PCBP2: variants seen among roughly 807,000 people sequenced by gnomAD.
The protein encoded by PCBP2 is poly(rC)-binding protein 2.
PCBP2 carries 4 observed loss-of-function variants against 50.1 expected under a neutral mutation model. That is an observed-to-expected ratio of 0.08 (90% CI 0.04 to 0.18). The LOEUF is 0.18. Among genes scored for constraint, PCBP2 ranks in the 10% least tolerant of loss-of-function variants. The pLI, the probability that PCBP2 is intolerant of heterozygous loss-of-function variation, is 1.00. For missense variants in PCBP2, 161 were observed against 474.3 expected (o/e 0.34, Z 6.14); for synonymous variants, 179 against 168.0 (o/e 1.07, Z -0.51).
At chr12:53,459,465 A>G (rs534971473) in intron 6 of PCBP2, 62 bp downstream of exon 6, 6 of 1,500,258 alleles carry the variant, frequency 4.0e-6, no homozygotes, top group African/African-American at 2.8e-5. Context: ...GGCTCTTTGT[A>G]TGGCTAGGAA....
chr12:53,460,018 C>T (rs1391120848), intron 6 of PCBP2: 1 of 313,280 alleles, frequency 3.2e-6, no homozygotes, highest in Non-Finnish European at 6.8e-6. Context: ...CTCAGGCTCC[C>T]AGTGTTATTA....
intron 2 of PCBP2, 23 bp from the exon 3 acceptor site, chr12:53,455,320 TACTG>T (rs773776788): frequency 1.2e-6 from 2 of 1,607,424 alleles, no homozygotes; most frequent in South Asian, 2.2e-5. Flanking sequence ...AGTTTCCTCT[TACTG>T]ACGTTAGTTT....
At chr12:53,456,042 C>A in intron 5 of PCBP2, 41 bp downstream of exon 5, 2 of 1,189,790 alleles carry the variant, frequency 1.7e-6, no homozygotes, top group Non-Finnish European at 2.5e-6. Flanking sequence ...TTTTTAAGTG[C>A]TTCCAGAGAG....
At chr12:53,473,866 CTT>C (rs1189870154) in intron 14 of PCBP2, among the ~76,000 whole-genome samples, 1 of 151,550 alleles carries the variant, frequency 6.6e-6, no homozygotes, top group Non-Finnish European at 1.5e-5. Context: ...GCAGTCTGTC[CTT>C]TTATATAGTT....
chr12:53,475,175 T>TAACAAACTG, intron 14 of PCBP2: 1 of 456,584 alleles, frequency 2.2e-6, no homozygotes, highest in Non-Finnish European at 4.4e-6. Context: ...CATGTGTAAC[T>TAACAAACTG]AACAAACTGA....
In PCBP2 at chr12:53,479,448, T is replaced by C. The variant is rs749359484; in HGVS notation, c.*6T>C. On this transcript the variant is annotated 3_prime_UTR_variant, in exon 15 of 15. Coordinates refer to ENST00000546463, the MANE Select transcript of PCBP2 (RefSeq NM_031989.5). Reference sequence around the variant, plus strand: ...GTGGCATGGGGAGCAGCTAGAACAATGCAGATTCATCCATAATCCCTTTCT... The same window carrying C: ...GTGGCATGGGGAGCAGCTAGAACAACGCAGATTCATCCATAATCCCTTTCT... The C allele has an allele frequency of 3.1e-6, 5 of 1,613,228 alleles. No homozygotes were observed. The highest frequency in any genetic ancestry group is 1.7e-6 in the Non-Finnish European group (2 of 1,179,400).
intron 5 of PCBP2, among the ~76,000 whole-genome samples, chr12:53,457,967 C>T (rs1008966015): frequency 1.3e-5 from 2 of 152,112 alleles, no homozygotes; most frequent in African/African-American, 4.8e-5. Context: ...TCCTCCTTGT[C>T]GCCCAGGCTG....
intron 14 of PCBP2, among the ~76,000 whole-genome samples, chr12:53,478,193 T>G (rs1261926113): frequency 2.0e-5 from 3 of 152,160 alleles, no homozygotes; most frequent in African/African-American, 7.2e-5. Flanking sequence ...GTCTGCTACT[T>G]TTAAGTCCTG....
In PCBP2 at chr12:53,452,151, C is replaced by CCCGCCCGCCCGCCCT. The variant is rs1048033488; in HGVS notation, c.-286_-272dup. 26 of 120,622 alleles carry CCCGCCCGCCCGCCCT rather than the reference C, an allele frequency of 2.2e-4. No homozygotes were observed. The highest frequency in any genetic ancestry group is 6.8e-4 in the South Asian group (2 of 2,958). 7.5% of individuals were successfully genotyped at this position (120,622 alleles called of 1,614,324 possible). A position where few individuals can be genotyped will look rare whatever the true frequency, so the allele number is the denominator to read the frequency against. On this transcript the variant is annotated 5_prime_UTR_variant, in exon 1 of 15. Coordinates refer to ENST00000546463, the MANE Select transcript of PCBP2 (RefSeq NM_031989.5). ...GGAGCAGCCGCAGCCTGCGCCCTCT[C>CCCGCCCGCCCGCCCT]CCGCCCGCCCGCCCTCCGCCCGCCC... is the stretch of plus-strand genomic sequence containing the variant.
chr12:53,460,903 A>C, intron 6 of PCBP2, 112 bp from the exon 7 acceptor site: 2 of 1,184,784 alleles, frequency 1.7e-6, no homozygotes, highest in Admixed American at 2.0e-5. Context: ...AAAAGGGAAG[A>C]TTGGAAATGG....
At chr12:53,464,436 A>G (rs937141518) in intron 8 of PCBP2, 7 of 292,134 alleles carry the variant, frequency 2.4e-5, no homozygotes, top group African/African-American at 1.2e-4. Context: ...ATGTCCACAG[A>G]TGGACCTGTG....
At chr12:53,464,581 C>T in intron 8 of PCBP2, 179 bp from the exon 9 acceptor site, 2 of 760,668 alleles carry the variant, frequency 2.6e-6, no homozygotes, top group Admixed American at 3.1e-5. Flanking sequence ...AGTGTGAAAT[C>T]TGCCACTAGG....
chr12:53,467,677 A>T, intron 11 of PCBP2, 128 bp from the exon 12 acceptor site: 1 of 783,740 alleles, frequency 1.3e-6, no homozygotes, highest in Non-Finnish European at 2.2e-6. Context: ...CAAATTGTGT[A>T]GTGTTTTTTT....
At chr12:53,466,880 C>G (rs557186211) in intron 10 of PCBP2, among the ~76,000 whole-genome samples, 15 of 152,220 alleles carry the variant, frequency 9.9e-5, no homozygotes, top group South Asian at 4.2e-4. Flanking sequence ...TTTACCTAGC[C>G]TGTCTGTGCT....
At position 53,465,553 on chromosome 12, in the gene PCBP2, G is replaced by A. The variant is rs140021563; in HGVS notation, c.673-379G>A. 5.4e-3 allele frequency among the ~76,000 whole-genome samples: 825 copies of A among 152,276 alleles called. 3 individuals are homozygous for A. The highest frequency in any genetic ancestry group is 8.9e-3 in the Non-Finnish European group (604 of 68,012). On this transcript the variant is annotated intron_variant, in intron 9 of 14. Coordinates refer to ENST00000546463, the MANE Select transcript of PCBP2 (RefSeq NM_031989.5). ...ATCACCACAATTGGTAGAAGGGTTGGGGTGGTGAGGGAAGAGATCATTATT... is the reference window on the plus strand; with the variant it reads ...ATCACCACAATTGGTAGAAGGGTTGAGGTGGTGAGGGAAGAGATCATTATT...
chr12:53,455,538 A>T, intron 4 of PCBP2, 45 bp downstream of exon 4: 1 of 1,588,188 alleles, frequency 6.3e-7, no homozygotes. Context: ...GAAGTAAAAA[A>T]CCTTTAAAAC....
chr12:53,463,696 G>A (rs1364266869), intron 8 of PCBP2, among the ~76,000 whole-genome samples: 1 of 152,206 alleles, frequency 6.6e-6, no homozygotes, highest in Non-Finnish European at 1.5e-5. Flanking sequence ...GACACCTAGG[G>A]ACAACTGCAT....
chr12:53,465,834 C>G, intron 9 of PCBP2, 98 bp from the exon 10 acceptor site: 1 of 918,408 alleles, frequency 1.1e-6, no homozygotes, highest in Non-Finnish European at 1.8e-6. Context: ...TTCTCTAGTT[C>G]AACTCTGGCT....
chr12:53,454,681 C>G (rs1013396505), intron 1 of PCBP2, 45 bp from the exon 2 acceptor site: 1 of 713,578 alleles, frequency 1.4e-6, no homozygotes, highest in African/African-American at 1.7e-5. Flanking sequence ...GAAATAATAA[C>G]CTTGTTGTTT....
Sources: allele counts gnomAD v4.1 joint callset (sites outside exome capture counted in the v4.1 genomes callset), GRCh38; gene constraint gnomAD v4.1.1; transcripts MANE v1.5; gene names NCBI Gene and HGNC (gene_info 2026-07-23, HGNC 2026-07-21).